TAS2R1: variants seen among roughly 807,000 people sequenced by gnomAD.
TAS2R1 encodes the protein taste 2 receptor member 1, also known as taste receptor type 2 member 1.
For synonymous variants in TAS2R1, 141 were observed against 134.2 expected, an observed-to-expected ratio of 1.05 and a Z score of -0.35; for missense variants, 370 against 353.4, an observed-to-expected ratio of 1.05 and a Z score of -0.38.
intron 1 of TAS2R1, among the ~76,000 whole-genome samples, chr5:9,678,188 A>C (rs1204413495): frequency 6.6e-6 from 1 of 152,190 alleles, no homozygotes; most frequent in South Asian, 2.1e-4. Context: ...AAAAACCTCA[A>C]CATCACTGAT....
At chr5:9,718,641 A>AACAAG in the TAS2R1 span, among the ~76,000 whole-genome samples, 1 of 152,158 alleles carries the variant, frequency 6.6e-6, no homozygotes, top group African/African-American at 2.4e-5. Context: ...AACAAAACAA[A>AACAAG]ACAAATCAAA....
chr5:9,679,023 A>G (rs1438354444), intron 1 of TAS2R1, among the ~76,000 whole-genome samples: 2 of 152,216 alleles, frequency 1.3e-5, no homozygotes, highest in Admixed American at 6.5e-5. Flanking sequence ...AATCTTATTC[A>G]GCAATAAAAA....
the TAS2R1 span, among the ~76,000 whole-genome samples, chr5:9,873,873 A>AG: frequency 2.9e-5 from 2 of 69,956 alleles, no homozygotes; most frequent in African/African-American, 6.5e-5. Flanking sequence ...TGTCTCGGGG[A>AG]AAAAAAAAAA....
chr5:9,688,253 G>A, intron 1 of TAS2R1, among the ~76,000 whole-genome samples: 1 of 152,068 alleles, frequency 6.6e-6, no homozygotes, highest in East Asian at 1.9e-4. Context: ...TGTTAAGACA[G>A]AATAACAGTA....
At chr5:9,898,535 C>T in the TAS2R1 span, among the ~76,000 whole-genome samples, 13 of 152,172 alleles carry the variant, frequency 8.5e-5, no homozygotes, top group Non-Finnish European at 1.8e-4. Flanking sequence ...TGGCACATCA[C>T]CATGAAAGCA....
chr5:9,700,404 C>A (rs1014444290), intron 1 of TAS2R1, among the ~76,000 whole-genome samples: 1 of 152,162 alleles, frequency 6.6e-6, no homozygotes, highest in Non-Finnish European at 1.5e-5. Flanking sequence ...GCCATAGATT[C>A]ACGGAAAATA....
the TAS2R1 span, among the ~76,000 whole-genome samples, chr5:9,851,739 T>C: frequency 6.6e-6 from 1 of 152,174 alleles, no homozygotes; most frequent in Non-Finnish European, 1.5e-5. Flanking sequence ...TGCTGCCCAG[T>C]ACTGGAAGGT....
the TAS2R1 span, among the ~76,000 whole-genome samples, chr5:9,894,441 A>ATGTT: frequency 6.6e-6 from 1 of 151,640 alleles, no homozygotes; most frequent in African/African-American, 2.4e-5. Context: ...ACACACAAAC[A>ATGTT]GAGGCAGCAG....
chr5:9,833,267 G>A, the TAS2R1 span, among the ~76,000 whole-genome samples: 4 of 152,178 alleles, frequency 2.6e-5, no homozygotes, highest in African/African-American at 9.7e-5. Context: ...AAGGTATGCA[G>A]CTTTTTATCT....
rs766764320 is a variant in TAS2R1 at position 9,629,318 on chromosome 5, A to T, written c.715T>A (p.Ser239Thr). ...AGAAAAACTTTTATCATGCAGTGGG[A>T]GAAGTAGAGGATCAGGAAGGACAGG... ...SILSFLILYF[S>T]HCMIKVFLSS... Residue 239 changes from serine (S) to threonine (T), a missense_variant, in exon 1 of 1, where the codon TCC becomes ACC. Ser to Thr is a moderately conservative substitution (Grantham distance 58). Transcript: ENST00000382492. 1.9e-6 allele frequency: 3 copies of T among 1,613,536 alleles called. No homozygotes were observed. In the Admixed American group the frequency reaches 5.0e-5, roughly 27 times the overall value.
At chr5:9,681,297 G>T (rs928282848) in intron 1 of TAS2R1, among the ~76,000 whole-genome samples, 1 of 151,632 alleles carries the variant, frequency 6.6e-6, no homozygotes, top group Non-Finnish European at 1.5e-5. Context: ...GGCATATGGG[G>T]ACCCTCTGTA....
chr5:9,903,084 T>G, the TAS2R1 span, among the ~76,000 whole-genome samples: 2 of 152,156 alleles, frequency 1.3e-5, no homozygotes, highest in South Asian at 4.2e-4. Flanking sequence ...ATCCTTTGAG[T>G]TACAAACAAT....
At chr5:9,741,406 GACAGTCAC>G in the TAS2R1 span, among the ~76,000 whole-genome samples, 1 of 152,144 alleles carries the variant, frequency 6.6e-6, no homozygotes, top group Admixed American at 6.5e-5. Context: ...TCAAGTGCTT[GACAGTCAC>G]CCACGGATGC....
At chr5:9,798,614 T>C in the TAS2R1 span, among the ~76,000 whole-genome samples, 1 of 152,212 alleles carries the variant, frequency 6.6e-6, no homozygotes, top group Non-Finnish European at 1.5e-5. Flanking sequence ...CCAGAAATAC[T>C]GTTTATCCTT....
chr5:9,757,521 T>C, the TAS2R1 span, among the ~76,000 whole-genome samples: 1 of 152,148 alleles, frequency 6.6e-6, no homozygotes, highest in South Asian at 2.1e-4. Context: ...CAGCCACCCC[T>C]TTTACATCTT....
intron 1 of TAS2R1, among the ~76,000 whole-genome samples, chr5:9,671,285 T>C (rs1369012833): frequency 6.6e-6 from 1 of 152,170 alleles, no homozygotes; most frequent in African/African-American, 2.4e-5. Flanking sequence ...CTGAAAATTC[T>C]AGCCAGAAAA....
chr5:9,709,594 C>T (rs1010045262), intron 1 of TAS2R1, among the ~76,000 whole-genome samples: 10 of 152,178 alleles, frequency 6.6e-5, no homozygotes, highest in Non-Finnish European at 1.0e-4. Context: ...CTGTGGCTTC[C>T]GTCTTGGTCT....
chr5:9,782,472 T>TG, the TAS2R1 span, among the ~76,000 whole-genome samples: 8 of 91,966 alleles, frequency 8.7e-5, no homozygotes, highest in South Asian at 3.5e-4. Flanking sequence ...GGGGCGGGGC[T>TG]GGGGGGGTCC....
chr5:9,659,948 G>A (rs1437302311), intron 1 of TAS2R1: 2 of 151,908 alleles, frequency 1.3e-5, no homozygotes, highest in Non-Finnish European at 2.9e-5. Flanking sequence ...ACTGGGTAAT[G>A]AATAACACCA....
Sources: gnomAD v4.1 joint callset for allele counts (sites outside exome capture counted in the v4.1 genomes callset) on GRCh38, gnomAD v4.1.1 for gene constraint, MANE v1.5 for transcripts, NCBI Gene and HGNC (gene_info 2026-07-23, HGNC 2026-07-21) for gene names.